The following IL17RD variants were observed in gnomAD, a reference collection of about 807,000 sequenced individuals.
The protein encoded by IL17RD is interleukin 17 receptor D, also known as interleukin-17 receptor D.
A neutral mutation model predicts 80.5 loss-of-function variants in IL17RD; 52 were observed. That is an observed-to-expected ratio of 0.65 (90% CI 0.52 to 0.81). The LOEUF (loss-of-function observed/expected upper bound fraction) is 0.81. Among genes scored for constraint, IL17RD ranks in the 40% least tolerant of loss-of-function variants. The probability of loss-of-function intolerance (pLI) is 0.00; values close to 1 mark genes in which losing one functional copy is unlikely to be tolerated. For synonymous variants in IL17RD, 416 were observed against 391.8 expected (o/e 1.06, Z -0.73); for missense variants, 1,024 against 955.1 (o/e 1.07, Z -0.95).
chr3:57,154,262 A>T (rs1337276050), intron 1 of IL17RD, among the ~76,000 whole-genome samples: 7 of 126,616 alleles, frequency 5.5e-5, no homozygotes, highest in East Asian at 4.1e-4. Context: ...AAAAAAAATT[A>T]TATATATATA....
intron 8 of IL17RD, 96 bp from the exon 9 acceptor site, chr3:57,103,241 G>A (rs1706878835): frequency 9.4e-7 from 1 of 1,067,386 alleles, no homozygotes; most frequent in African/African-American, 1.6e-5. Context: ...TTCCATCAGT[G>A]GGCAGTGCGG....
chr3:57,162,774 A>G (rs2060314299), intron 1 of IL17RD, among the ~76,000 whole-genome samples: 1 of 152,216 alleles, frequency 6.6e-6, no homozygotes, highest in Non-Finnish European at 1.5e-5. Flanking sequence ...CTCTGACGCC[A>G]CCAAGATGAG....
At chr3:57,130,764 CCT>C (rs935403816) in intron 1 of IL17RD, among the ~76,000 whole-genome samples, 9 of 152,310 alleles carry the variant, frequency 5.9e-5, no homozygotes, top group South Asian at 2.1e-4. Context: ...GAAACATCCC[CCT>C]GAGATGCAGT....
rs951074104 is a variant in IL17RD at position 57,092,578 on chromosome 3, GACT to G, written c.*3812_*3814del. ...CACTCCAGCCTGGGCAACAGAGCAA[GACT>G]CCATCTCAAAAAAAAAAAAATGAAA... On this transcript the variant is annotated 3_prime_UTR_variant, in exon 13 of 13. Coordinates refer to ENST00000296318, the MANE Select transcript of IL17RD (RefSeq NM_017563.5). 7.5e-6 allele frequency: 1 copy of G among 133,192 alleles called. No individual in the cohort carries two copies. Among genetic ancestry groups the G allele is most frequent in the African/African-American group, 2.8e-5 (1 of 35,610 alleles). 8.3% of individuals were successfully genotyped at this position (133,192 alleles called of 1,614,324 possible).
intron 7 of IL17RD, among the ~76,000 whole-genome samples, chr3:57,105,552 A>ATATATAT (rs1553623052): frequency 3.1e-5 from 2 of 63,590 alleles, no homozygotes; most frequent in East Asian, 2.2e-4. Context: ...AAAAAAAAAA[A>ATATATAT]ATATATATAT....
intron 1 of IL17RD, among the ~76,000 whole-genome samples, chr3:57,148,616 G>A (rs1420927866): frequency 6.6e-6 from 1 of 152,160 alleles, no homozygotes; most frequent in African/African-American, 2.4e-5. Flanking sequence ...GTAACACTAA[G>A]ATAACATAAA....
chr3:57,154,562 G>A (rs1453754041), intron 1 of IL17RD, among the ~76,000 whole-genome samples: 1 of 152,034 alleles, frequency 6.6e-6, no homozygotes, highest in East Asian at 1.9e-4. Context: ...TGGGAAATGT[G>A]CTCAAGTGAA....
chr3:57,167,482 G>T (rs530960712), upstream of IL17RD, among the ~76,000 whole-genome samples: 1 of 152,144 alleles, frequency 6.6e-6, no homozygotes, highest in African/African-American at 2.4e-5. Context: ...GGTGCCAGGG[G>T]CTGAGATGAG....
At chr3:57,150,042 C>G (rs575002439) in intron 1 of IL17RD, among the ~76,000 whole-genome samples, 2 of 152,158 alleles carry the variant, frequency 1.3e-5, no homozygotes, top group Non-Finnish European at 2.9e-5. Context: ...CCTTGGTAGT[C>G]AAGCCCTCCC....
rs1202610252 is a variant in IL17RD, at chr3:57,091,680, A to G, written c.*4713T>C. ...TTCACTGTGGTTTTTGAATACATGG[A>G]AGGTGACCAGCTGTTCTTTCTCCAC... On this transcript the variant is annotated 3_prime_UTR_variant, in exon 13 of 13. Coordinates refer to ENST00000296318, the MANE Select transcript of IL17RD (RefSeq NM_017563.5). 1 of 152,576 alleles carries G rather than the reference A, an allele frequency of 6.6e-6. No homozygotes were observed. The highest frequency in any genetic ancestry group is 6.5e-5 in the Admixed American group (1 of 15,282). 9.5% of individuals were successfully genotyped at this position (152,576 alleles called of 1,614,324 possible).
intron 1 of IL17RD, among the ~76,000 whole-genome samples, chr3:57,151,536 T>A (rs1306081912): frequency 2.0e-5 from 3 of 152,134 alleles, no homozygotes; most frequent in African/African-American, 7.2e-5. Flanking sequence ...CAGCTTCTGT[T>A]AAACAGATAG....
Position 57,134,407 on chromosome 3 carries a change from G to T in IL17RD, c.127-14094C>A, listed in dbSNP as rs914756211. On this transcript the variant is annotated intron_variant, in intron 1 of 12. Transcript: ENST00000296318. ...GGTACAGCCAATGCCCAAATGCCAG[G>T]GAACGTAACTTGGATGAGGAGAATG... is the stretch of plus-strand genomic sequence containing the variant. 3.2e-5 allele frequency: 23 copies of T among 719,954 alleles called. No individual in the cohort carries two copies. The African/African-American group carries it at 3.6e-4, about 11-fold the overall frequency. 44.6% of individuals were successfully genotyped at this position (719,954 alleles called of 1,614,324 possible).
At chr3:57,117,737 G>A (rs1254413366) in intron 2 of IL17RD, among the ~76,000 whole-genome samples, 1 of 152,096 alleles carries the variant, frequency 6.6e-6, no homozygotes, top group Admixed American at 6.5e-5. Flanking sequence ...CTTTTTCAAT[G>A]GAAAATATGG....
At chr3:57,163,783 G>A (rs2107549382) in intron 1 of IL17RD, among the ~76,000 whole-genome samples, 1 of 109,670 alleles carries the variant, frequency 9.1e-6, no homozygotes, top group African/African-American at 4.1e-5. Flanking sequence ...AGCCTAATGG[G>A]GCGGGGGGGC....
In IL17RD at chr3:57,098,375, C is replaced by A; in HGVS notation, c.1328G>T (p.Gly443Val). The A allele has an allele frequency of 5.0e-6, 8 of 1,614,044 alleles. No individual in the cohort carries two copies. Among genetic ancestry groups the A allele is most frequent in the Non-Finnish European group, 5.9e-6 (7 of 1,179,910 alleles). The change falls in exon 12 of 13, where the codon GGC (glycine) becomes GTC (valine). Residue 443 changes from glycine (G) to valine (V), a missense_variant. Physicochemically the swap from Gly to Val is moderately radical, Grantham distance 109. Coordinates refer to ENST00000296318, the MANE Select transcript of IL17RD (RefSeq NM_017563.5). Reference protein sequence around the residue: ...KNYKHKGGGRGSGKGELFLVA... With the variant: ...KNYKHKGGGRVSGKGELFLVA... ...CAGGAAGAGCTCTCCTTTCCCCGAG[C>A]CTCGGCCACCTCCTTTGTGTTTGTA...
At chr3:57,134,291 CA>C in intron 1 of IL17RD, 1 of 682,512 alleles carries the variant, frequency 1.5e-6, no homozygotes. Context: ...TGATCATCTA[CA>C]AACCTGTGAC....
chr3:57,126,548 G>A (rs1310170221), intron 1 of IL17RD, among the ~76,000 whole-genome samples: 2 of 152,250 alleles, frequency 1.3e-5, no homozygotes, highest in East Asian at 3.8e-4. Flanking sequence ...CAGCCATGAA[G>A]GTGATCAGAC....
intron 2 of IL17RD, among the ~76,000 whole-genome samples, chr3:57,118,267 T>C (rs573618727): frequency 1.3e-5 from 2 of 152,318 alleles, no homozygotes; most frequent in South Asian, 4.1e-4. Flanking sequence ...ACACCACCAA[T>C]GTGAGCTCCC....
chr3:57,165,103 T>C, intron 1 of IL17RD, 58 bp downstream of exon 1: 3 of 1,452,378 alleles, frequency 2.1e-6, no homozygotes, highest in Non-Finnish European at 2.7e-6. Context: ...CGAGCACCTG[T>C]GCGCGCTGCG....
Sources: allele counts gnomAD v4.1 joint callset (sites outside exome capture counted in the v4.1 genomes callset), GRCh38; gene constraint gnomAD v4.1.1; transcripts MANE v1.5; gene names NCBI Gene and HGNC (gene_info 2026-07-23, HGNC 2026-07-21).